LRP1B: variants seen among roughly 807,000 people sequenced by gnomAD.
LRP1B encodes the protein low-density lipoprotein receptor-related protein 1B.
Under a neutral mutation model 556.6 loss-of-function variants are expected in LRP1B, and 217 were observed. That is an observed-to-expected ratio of 0.39 (90% CI 0.35 to 0.44). The LOEUF (loss-of-function observed/expected upper bound fraction) is 0.44. Ranked by LOEUF, LRP1B falls within the 20% of genes least tolerant of loss-of-function variation. LRP1B has a pLI of 1.00. For missense variants in LRP1B, 5,053 were observed against 5,620.8 expected (o/e 0.90, Z 3.23); for synonymous variants, 2,047 against 1,865.8 (o/e 1.10, Z -2.50).
Position 141,743,555 on chromosome 2 carries a change from A to T in LRP1B, c.205+66724T>A, listed in dbSNP as rs111433289. On this transcript the variant is annotated intron_variant, in intron 2 of 90. Transcript: ENST00000389484. ...TAGAGTTGCTACTGGTTTTGCTTTA[A>T]ATGTTTGGTAGAATTCAGCAATGAT... Among the ~76,000 whole-genome samples, 113 of 138,052 alleles carry T rather than the reference A, an allele frequency of 8.2e-4. 1 individual carries two copies. The highest frequency in any genetic ancestry group is 1.5e-3 in the Non-Finnish European group (95 of 65,180). 90.6% of individuals were successfully genotyped at this position (138,052 alleles called of 152,430 possible).
At chr2:140,458,739 A>G (rs1448954278) in intron 60 of LRP1B, among the ~76,000 whole-genome samples, 1 of 152,028 alleles carries the variant, frequency 6.6e-6, no homozygotes, top group Non-Finnish European at 1.5e-5. Flanking sequence ...TTCAAATACA[A>G]TTTACTATTT....
chr2:140,329,966 G>GA (rs1558806599), intron 79 of LRP1B, among the ~76,000 whole-genome samples: 2 of 151,850 alleles, frequency 1.3e-5, no homozygotes, highest in Non-Finnish European at 2.9e-5. Context: ...TTGAGAGGCT[G>GA]AGGCGGGTTG....
At chr2:142,121,182 C>T (rs1707446884) in intron 1 of LRP1B, among the ~76,000 whole-genome samples, 2 of 152,132 alleles carry the variant, frequency 1.3e-5, no homozygotes, top group Admixed American at 6.5e-5. Flanking sequence ...ACTACTACTC[C>T]CTCATTCAAG....
chr2:140,805,065 A>G (rs71417108), intron 32 of LRP1B, among the ~76,000 whole-genome samples: 1 of 152,130 alleles, frequency 6.6e-6, no homozygotes, highest in Admixed American at 6.6e-5. Context: ...TTGATTGAAA[A>G]CAAATGTTGT....
chr2:140,946,267 T>G (rs1695544455), intron 20 of LRP1B, among the ~76,000 whole-genome samples: 1 of 152,154 alleles, frequency 6.6e-6, no homozygotes. Flanking sequence ...TGTAAATTAG[T>G]TCAGCCCCTG....
chr2:140,464,883 G>T (rs1329872738), intron 60 of LRP1B, among the ~76,000 whole-genome samples: 1 of 152,080 alleles, frequency 6.6e-6, no homozygotes, highest in Admixed American at 6.6e-5. Flanking sequence ...TTAGTATCTG[G>T]TCTTCTCATA....
chr2:141,038,896 TTAAG>T (rs1698617052), intron 11 of LRP1B, among the ~76,000 whole-genome samples: 2 of 152,034 alleles, frequency 1.3e-5, no homozygotes, highest in African/African-American at 2.4e-5. Flanking sequence ...GGTAATTTAT[TTAAG>T]TGTGTAAGAA....
chr2:141,848,026 A>G (rs1005703033), intron 1 of LRP1B, among the ~76,000 whole-genome samples: 3 of 151,576 alleles, frequency 2.0e-5, no homozygotes, highest in Non-Finnish European at 3.0e-5. Flanking sequence ...TACACAACCA[A>G]TACATGAAAG....
At chr2:141,951,871 T>G (rs1701115189) in intron 1 of LRP1B, among the ~76,000 whole-genome samples, 1 of 152,118 alleles carries the variant, frequency 6.6e-6, no homozygotes, top group Admixed American at 6.6e-5. Context: ...AAATTAAGTT[T>G]CTAGGGTACA....
chr2:141,843,120 C>T (rs1307781599), intron 1 of LRP1B, among the ~76,000 whole-genome samples: 2 of 151,964 alleles, frequency 1.3e-5, no homozygotes, highest in African/African-American at 2.4e-5. Flanking sequence ...CTCCTTAAAC[C>T]AGTGGGTTTC....
intron 43 of LRP1B, among the ~76,000 whole-genome samples, chr2:140,593,606 T>C (rs935826450): frequency 6.6e-6 from 1 of 152,132 alleles, no homozygotes; most frequent in African/African-American, 2.4e-5. Context: ...AGTTAATGTG[T>C]TATTAAAATC....
At chr2:142,083,307 A>G (rs1431887710) in intron 1 of LRP1B, among the ~76,000 whole-genome samples, 2 of 152,158 alleles carry the variant, frequency 1.3e-5, no homozygotes, top group African/African-American at 4.8e-5. Flanking sequence ...GCCCTTCCTC[A>G]TATCCAGCTT....
At chr2:142,005,258 G>A (rs902708180) in intron 1 of LRP1B, among the ~76,000 whole-genome samples, 1 of 151,730 alleles carries the variant, frequency 6.6e-6, no homozygotes, top group Non-Finnish European at 1.5e-5. Context: ...CATTCAATAA[G>A]GATTAACACG....
intron 52 of LRP1B, among the ~76,000 whole-genome samples, chr2:140,509,470 A>G (rs2104914797): frequency 6.6e-6 from 1 of 152,140 alleles, no homozygotes; most frequent in East Asian, 1.9e-4. Flanking sequence ...CCCAAGGGTT[A>G]ATACCCTATC....
chr2:141,306,758 ACTT>A lies in LRP1B; in HGVS notation c.344-52120_344-52118del, dbSNP rs368819763. Among the ~76,000 whole-genome samples the A allele has an allele frequency of 3.4e-3, 512 of 152,100 alleles. 2 individuals carry two copies. The highest frequency in any genetic ancestry group is 0.012 in the African/African-American group (487 of 41,528). ...CTGATGTAGGCATTTATTGCTATAA[ACTT>A]CTCTATTCACAATACTTTTGCTATA... On this transcript the variant is annotated intron_variant, in intron 3 of 90. Transcript: ENST00000389484.
chr2:142,123,196 A>T (rs1707518920), intron 1 of LRP1B, among the ~76,000 whole-genome samples: 1 of 152,012 alleles, frequency 6.6e-6, no homozygotes, highest in Admixed American at 6.6e-5. Flanking sequence ...AGCAACCATA[A>T]CTAAGTTTCA....
intron 2 of LRP1B, among the ~76,000 whole-genome samples, chr2:141,656,056 G>T (rs1293787565): frequency 1.3e-5 from 2 of 152,062 alleles, no homozygotes; most frequent in Non-Finnish European, 2.9e-5. Context: ...TACCCATTTT[G>T]TTAATGGAGA....
chr2:141,035,590 A>G (rs2105422590), intron 11 of LRP1B, among the ~76,000 whole-genome samples: 1 of 149,886 alleles, frequency 6.7e-6, no homozygotes, highest in East Asian at 2.1e-4. Context: ...GATAAATAGA[A>G]ATCTTTATAA....
chr2:141,857,543 C>T (rs1219175876), intron 1 of LRP1B, among the ~76,000 whole-genome samples: 1 of 151,788 alleles, frequency 6.6e-6, no homozygotes, highest in Admixed American at 6.6e-5. Context: ...CAACATGTTG[C>T]CCAGGTTGGT....
Sources: allele counts gnomAD v4.1 joint callset (sites outside exome capture counted in the v4.1 genomes callset), GRCh38; gene constraint gnomAD v4.1.1; transcripts MANE v1.5; gene names NCBI Gene and HGNC (gene_info 2026-07-23, HGNC 2026-07-21).